Variants in ABTB3 observed in about 807,000 individuals in gnomAD.
ABTB3 encodes ankyrin repeat- and BTB/POZ domain-containing protein 3.
chr12:107,411,373 C>T, the ABTB3 span, among the ~76,000 whole-genome samples: 12 of 152,326 alleles, frequency 7.9e-5, no homozygotes, highest in South Asian at 2.3e-3. Flanking sequence ...GCTGCCTACT[C>T]GAGACTTGAT....
chr12:107,603,743 A>G, the ABTB3 span, among the ~76,000 whole-genome samples: 1 of 152,260 alleles, frequency 6.6e-6, no homozygotes, highest in African/African-American at 2.4e-5. Flanking sequence ...AGCAAAGGAA[A>G]CAATCAACAG....
the ABTB3 span, among the ~76,000 whole-genome samples, chr12:107,545,240 T>C: frequency 6.6e-6 from 1 of 152,100 alleles, no homozygotes; most frequent in Non-Finnish European, 1.5e-5. Context: ...TTTTTCTTTT[T>C]CTTTTTCTTT....
the ABTB3 span, among the ~76,000 whole-genome samples, chr12:107,472,541 A>C: frequency 6.6e-6 from 1 of 152,348 alleles, no homozygotes; most frequent in South Asian, 2.1e-4. Context: ...TTCAGTTTAC[A>C]TCTGTAAAAT....
the ABTB3 span, among the ~76,000 whole-genome samples, chr12:107,473,810 T>TC: frequency 1.3e-5 from 2 of 151,722 alleles, no homozygotes; most frequent in African/African-American, 4.8e-5. Context: ...TTTTTCTTTT[T>TC]TTTTTTTTTG....
At chr12:107,436,234 A>G in the ABTB3 span, among the ~76,000 whole-genome samples, 1 of 152,200 alleles carries the variant, frequency 6.6e-6, no homozygotes, top group Non-Finnish European at 1.5e-5. Context: ...AAGACTCTCC[A>G]AGGGGTCAGA....
chr12:107,627,341 G>C, the ABTB3 span, among the ~76,000 whole-genome samples: 5 of 152,182 alleles, frequency 3.3e-5, no homozygotes, highest in Non-Finnish European at 1.5e-5. Flanking sequence ...CTTAAGCCTG[G>C]ACACGGATCT....
chr12:107,360,949 T>TTTTTG, the ABTB3 span, among the ~76,000 whole-genome samples: 1 of 144,830 alleles, frequency 6.9e-6, no homozygotes, highest in Non-Finnish European at 1.5e-5. Flanking sequence ...TTTTTTTTTT[T>TTTTTG]TTTGTAGAAA....
At chr12:107,470,205 A>G in the ABTB3 span, among the ~76,000 whole-genome samples, 1 of 151,452 alleles carries the variant, frequency 6.6e-6, no homozygotes, top group Non-Finnish European at 1.5e-5. Flanking sequence ...TACTTGGCTA[A>G]TTTTTGTGTT....
chr12:107,388,685 G>T, the ABTB3 span, among the ~76,000 whole-genome samples: 56 of 152,324 alleles, frequency 3.7e-4, 1 homozygote, highest in African/African-American at 1.3e-3. Flanking sequence ...GGCCTGGCAA[G>T]TGGCATCTGC....
the ABTB3 span, among the ~76,000 whole-genome samples, chr12:107,575,984 C>T: frequency 1.3e-5 from 2 of 152,248 alleles, no homozygotes; most frequent in Non-Finnish European, 2.9e-5. Context: ...CAAGCTCCCA[C>T]TGCTAGAAGG....
At chr12:107,540,907 G>A in the ABTB3 span, among the ~76,000 whole-genome samples, 2 of 152,170 alleles carry the variant, frequency 1.3e-5, no homozygotes, top group Non-Finnish European at 2.9e-5. Flanking sequence ...AGGCTTAAGT[G>A]GGAGGATCGC....
chr12:107,493,216 C>T, the ABTB3 span, among the ~76,000 whole-genome samples: 2 of 152,084 alleles, frequency 1.3e-5, no homozygotes, highest in African/African-American at 2.4e-5. Flanking sequence ...GAAGCATGGG[C>T]AAGAAAAACC....
chr12:107,323,737 T>C, the ABTB3 span, among the ~76,000 whole-genome samples: 3 of 152,236 alleles, frequency 2.0e-5, no homozygotes, highest in African/African-American at 7.2e-5. Context: ...TGAGTTGGTC[T>C]TCCTGGCTTC....
At chr12:107,635,464 G>A in the ABTB3 span, 3 of 1,418,206 alleles carry the variant, frequency 2.1e-6, no homozygotes, top group Middle Eastern at 4.0e-4. Context: ...AATGCCATAA[G>A]GAATGCCAGG....
At chr12:107,399,701 G>A in the ABTB3 span, among the ~76,000 whole-genome samples, 1 of 152,008 alleles carries the variant, frequency 6.6e-6, no homozygotes, top group Non-Finnish European at 1.5e-5. Context: ...TTTAAGTTCT[G>A]GCTACATGTG....
chr12:107,399,429 G>A, the ABTB3 span, among the ~76,000 whole-genome samples: 1 of 152,114 alleles, frequency 6.6e-6, no homozygotes, highest in Non-Finnish European at 1.5e-5. Flanking sequence ...ACCTGGCTCT[G>A]CCTCTGTCTT....
chr12:107,540,931 G>T, the ABTB3 span, among the ~76,000 whole-genome samples: 1 of 152,212 alleles, frequency 6.6e-6, no homozygotes, highest in African/African-American at 2.4e-5. Flanking sequence ...AGCCCAGGCT[G>T]CAGTGAGCTA....
chr12:107,478,170 A>G, the ABTB3 span, among the ~76,000 whole-genome samples: 1 of 152,224 alleles, frequency 6.6e-6, no homozygotes, highest in African/African-American at 2.4e-5. Flanking sequence ...TGCCACTCCT[A>G]CAATTGTGTC....
chr12:107,656,595 T>C, the ABTB3 span, among the ~76,000 whole-genome samples: 1 of 152,264 alleles, frequency 6.6e-6, no homozygotes, highest in Non-Finnish European at 1.5e-5. Flanking sequence ...CCCAGTTCTG[T>C]TAGTAATTAG....
Sources: gnomAD v4.1 joint callset for allele counts (sites outside exome capture counted in the v4.1 genomes callset) on GRCh38, gnomAD v4.1.1 for gene constraint, MANE v1.5 for transcripts, NCBI Gene and HGNC (gene_info 2026-07-23, HGNC 2026-07-21) for gene names.